The following KCNMA1 variants were observed in gnomAD, a reference collection of about 807,000 sequenced individuals.
KCNMA1 encodes the protein potassium calcium-activated channel subfamily M alpha 1.
KCNMA1 carries 29 observed loss-of-function variants against 140.0 expected under a neutral mutation model. That is an observed-to-expected ratio of 0.21 (90% CI 0.15 to 0.28). The LOEUF is 0.28. Ranked by LOEUF, KCNMA1 falls within the 10% of genes least tolerant of loss-of-function variation. The pLI, the probability that KCNMA1 is intolerant of heterozygous loss-of-function variation, is 1.00. For missense variants in KCNMA1, 880 were observed against 1,602.2 expected, an observed-to-expected ratio of 0.55 and a Z score of 7.70; for synonymous variants, 612 against 611.9, an observed-to-expected ratio of 1.00 and a Z score of 0.00.
chr10:77,032,572 G>T (rs1028273183), intron 15 of KCNMA1, among the ~76,000 whole-genome samples: 2 of 152,022 alleles, frequency 1.3e-5, no homozygotes, highest in African/African-American at 4.8e-5. Flanking sequence ...GAATAGAAAT[G>T]ACTTCTTTTT....
At chr10:77,073,995 T>C (rs1470270216) in intron 13 of KCNMA1, among the ~76,000 whole-genome samples, 1 of 151,872 alleles carries the variant, frequency 6.6e-6, no homozygotes, top group Non-Finnish European at 1.5e-5. Context: ...AAGCAGAGAG[T>C]CATAGAAAAT....
At chr10:77,457,079 GCACTT>G (rs1350814512) in intron 1 of KCNMA1, among the ~76,000 whole-genome samples, 2 of 152,076 alleles carry the variant, frequency 1.3e-5, no homozygotes, top group African/African-American at 4.8e-5. Context: ...AAATATGCCT[GCACTT>G]CCTAGAAGGG....
chr10:77,637,527 G>C lies in KCNMA1; in HGVS notation c.116C>G (p.Ser39Cys). Residue 39 changes from serine (S) to cysteine (C), a missense_variant, in exon 1 of 28, where the codon TCC becomes TGC. Physicochemically the swap from Ser to Cys is moderately radical, Grantham distance 112 (BLOSUM62 -1). This residue lies in a region of KCNMA1 where 94 missense variants were observed against 92.4 expected (regional missense o/e 1.02). Coordinates refer to ENST00000286628, the MANE Select transcript of KCNMA1 (RefSeq NM_001161352.2). Reference protein sequence around the residue: ...IHANHLSLDASSSSSSSSSSS... With the variant: ...IHANHLSLDACSSSSSSSSSS... ...GGAAGAGGAGGAGGAGGAGGAGGAGGACGCGTCTAGGCTGAGATGGTTCGC... is the reference window on the plus strand; with the variant it reads ...GGAAGAGGAGGAGGAGGAGGAGGAGCACGCGTCTAGGCTGAGATGGTTCGC... The C allele has an allele frequency of 6.4e-7, 1 of 1,552,278 alleles. No individual in the cohort carries two copies. The highest frequency in any genetic ancestry group is 8.8e-7 in the Non-Finnish European group (1 of 1,141,686).
intron 1 of KCNMA1, among the ~76,000 whole-genome samples, chr10:77,624,414 T>A (rs1445209545): frequency 6.6e-6 from 1 of 152,210 alleles, no homozygotes; most frequent in African/African-American, 2.4e-5. Context: ...GACTTTTTTT[T>A]TAAATGACAG....
At chr10:76,940,077 GC>G (rs1255743351) in intron 23 of KCNMA1, among the ~76,000 whole-genome samples, 4 of 152,246 alleles carry the variant, frequency 2.6e-5, no homozygotes, top group African/African-American at 9.6e-5. Context: ...GCAAGAAGCA[GC>G]TTCATCTGCT....
At chr10:77,492,603 A>G (rs1387149130) in intron 1 of KCNMA1, among the ~76,000 whole-genome samples, 1 of 152,246 alleles carries the variant, frequency 6.6e-6, no homozygotes, top group East Asian at 1.9e-4. Context: ...CTTTGCAAGT[A>G]GTGCTCTAAG....
intron 2 of KCNMA1, among the ~76,000 whole-genome samples, chr10:77,382,992 G>A (rs923155054): frequency 0.027 from 1,201 of 43,898 alleles, 33 homozygotes; most frequent in African/African-American, 0.16. Flanking sequence ...GTGTGTGTGT[G>A]TGTATATATA....
chr10:77,602,187 G>A (rs574074044), intron 1 of KCNMA1, among the ~76,000 whole-genome samples: 2 of 152,318 alleles, frequency 1.3e-5, no homozygotes, highest in Admixed American at 1.3e-4. Flanking sequence ...ACTGAAGCCT[G>A]GTTTGGGGGA....
At chr10:77,319,520 A>T (rs930110589) in intron 2 of KCNMA1, among the ~76,000 whole-genome samples, 1 of 152,090 alleles carries the variant, frequency 6.6e-6, no homozygotes, top group Non-Finnish European at 1.5e-5. Flanking sequence ...CGCCCTCCAA[A>T]AGCCTCACCT....
chr10:77,455,098 C>T (rs1349656542), intron 1 of KCNMA1, among the ~76,000 whole-genome samples: 1 of 152,172 alleles, frequency 6.6e-6, no homozygotes, highest in Admixed American at 6.5e-5. Context: ...CAGCTTTGAT[C>T]TCTTTCAGTT....
At chr10:77,163,166 A>G (rs2098587698) in intron 5 of KCNMA1, among the ~76,000 whole-genome samples, 1 of 152,230 alleles carries the variant, frequency 6.6e-6, no homozygotes, top group South Asian at 2.1e-4. Flanking sequence ...CTTGCACAGG[A>G]CACCAGCTAA....
rs570054288 is a variant in KCNMA1, at chr10:77,385,055, G to T, written c.540+18807C>A. On this transcript the variant is annotated intron_variant, in intron 2 of 27. Transcript: ENST00000286628. ...TGGGGACAAGAGAAGAATAATGTTT[G>T]CCACTTGTCTTCTACACAGTCATAC... Among the ~76,000 whole-genome samples the T allele has an allele frequency of 2.0e-5, 3 of 152,264 alleles. No individual in the cohort carries two copies. The South Asian group carries it at 6.2e-4, about 32-fold the overall frequency.
intron 20 of KCNMA1, among the ~76,000 whole-genome samples, chr10:76,968,377 C>T (rs909494863): frequency 3.3e-5 from 5 of 152,198 alleles, no homozygotes; most frequent in Admixed American, 2.6e-4. Context: ...AACAGTATAA[C>T]TCCTCAGAAT....
chr10:77,156,599 G>T (rs1361033631), intron 5 of KCNMA1, among the ~76,000 whole-genome samples: 1 of 152,226 alleles, frequency 6.6e-6, no homozygotes, highest in Non-Finnish European at 1.5e-5. Context: ...AGGCCATAAG[G>T]TTAGGGTTAT....
intron 1 of KCNMA1, among the ~76,000 whole-genome samples, chr10:77,599,256 T>A (rs954171744): frequency 3.9e-5 from 6 of 152,232 alleles, no homozygotes; most frequent in Admixed American, 3.9e-4. Flanking sequence ...TGTTTTCCAA[T>A]TATTTGCTGT....
rs1366930744 is a variant in KCNMA1, at chr10:77,284,942, C to T, written c.541-33686G>A. On this transcript the variant is annotated intron_variant, in intron 2 of 27. Transcript: ENST00000286628. Reference sequence around the variant, plus strand: ...TAGTGATAAACATTCCTTCATTTCTCACAATATTATAATAGAGAAGAGGAC... The same window carrying T: ...TAGTGATAAACATTCCTTCATTTCTTACAATATTATAATAGAGAAGAGGAC... Among the ~76,000 whole-genome samples, 6 of 152,208 alleles carry T rather than the reference C, an allele frequency of 3.9e-5. No homozygotes were observed. The East Asian group carries it at 1.2e-3, about 29-fold the overall frequency.
At chr10:77,426,798 A>T (rs1033667455) in intron 1 of KCNMA1, among the ~76,000 whole-genome samples, 42 of 152,180 alleles carry the variant, frequency 2.8e-4, no homozygotes, top group African/African-American at 9.9e-4. Context: ...TAAAGGGCAA[A>T]GCCTGCACAC....
At chr10:76,945,034 G>A (rs1048435343) in intron 22 of KCNMA1, 69 bp from the exon 23 acceptor site, 1 of 1,254,654 alleles carries the variant, frequency 8.0e-7, no homozygotes, top group Non-Finnish European at 1.2e-6. Context: ...AGAGAGAGGA[G>A]CAAAAGTGAG....
chr10:77,335,831 G>A (rs1340253878), intron 2 of KCNMA1, among the ~76,000 whole-genome samples: 2 of 152,178 alleles, frequency 1.3e-5, no homozygotes, highest in Non-Finnish European at 2.9e-5. Flanking sequence ...TAGCAACTGG[G>A]AAAGGAAGAA....
Sources: gnomAD v4.1 joint callset for allele counts (sites outside exome capture counted in the v4.1 genomes callset) on GRCh38, gnomAD v4.1.1 for gene constraint, gnomAD v4.1.1 regional missense constraint, MANE v1.5 for transcripts, NCBI Gene and HGNC (gene_info 2026-07-23, HGNC 2026-07-21) for gene names.